Variants in ZRANB3 observed in about 807,000 individuals in gnomAD.
ZRANB3 encodes DNA annealing helicase and endonuclease ZRANB3.
A neutral mutation model predicts 133.8 loss-of-function variants in ZRANB3; 125 were observed. That is an observed-to-expected ratio of 0.93 (90% confidence interval 0.81 to 1.08). ZRANB3 has a LOEUF of 1.08. Among genes scored for constraint, ZRANB3 ranks in the 50% least tolerant of loss-of-function variants. The probability of loss-of-function intolerance (pLI) is 0.00; values close to 1 mark genes in which losing one functional copy is unlikely to be tolerated. For missense variants in ZRANB3, 1,229 were observed against 1,275.5 expected (o/e 0.96, Z 0.56); for synonymous variants, 387 against 432.7 (o/e 0.89, Z 1.31).
intron 6 of ZRANB3, among the ~76,000 whole-genome samples, chr2:135,334,078 A>T (rs190933014): frequency 3.9e-5 from 6 of 152,292 alleles, no homozygotes; most frequent in Non-Finnish European, 7.4e-5. Flanking sequence ...AGAATATTCA[A>T]CTAGGTTAGT....
At chr2:135,481,646 T>G (rs1311821388) in intron 2 of ZRANB3, among the ~76,000 whole-genome samples, 5 of 150,246 alleles carry the variant, frequency 3.3e-5, no homozygotes, top group Admixed American at 1.3e-4. Context: ...AATTTTGGCT[T>G]TTGTTGCCAT....
At chr2:135,493,070 C>T (rs1229555379) in intron 2 of ZRANB3, among the ~76,000 whole-genome samples, 4 of 115,026 alleles carry the variant, frequency 3.5e-5, no homozygotes, top group African/African-American at 6.7e-5. Flanking sequence ...CCTACCTCAC[C>T]CCGTATTTAA....
At chr2:135,419,893 C>A (rs551193465) in intron 2 of ZRANB3, among the ~76,000 whole-genome samples, 5 of 151,468 alleles carry the variant, frequency 3.3e-5, no homozygotes. Flanking sequence ...AGAATCCTCC[C>A]TTAACAGCCT....
intron 3 of ZRANB3, among the ~76,000 whole-genome samples, chr2:135,378,310 T>A (rs1329061305): frequency 3.9e-5 from 6 of 152,086 alleles, no homozygotes; most frequent in African/African-American, 1.4e-4. Flanking sequence ...CTGACCAACA[T>A]GGCGAAAGCC....
intron 15 of ZRANB3, among the ~76,000 whole-genome samples, chr2:135,220,637 A>G (rs1403542204): frequency 1.3e-5 from 2 of 148,572 alleles, no homozygotes; most frequent in Admixed American, 1.3e-4. Context: ...GGCAGAGATT[A>G]CAGTGAGCCT....
At chr2:135,343,025 A>C (rs1251177381) in intron 6 of ZRANB3, among the ~76,000 whole-genome samples, 2 of 146,192 alleles carry the variant, frequency 1.4e-5, no homozygotes, top group Non-Finnish European at 3.0e-5. Context: ...AAAAAAAAAA[A>C]AAAAAAAAAA....
At chr2:135,478,389 C>G (rs571281187) in intron 2 of ZRANB3, among the ~76,000 whole-genome samples, 7 of 152,208 alleles carry the variant, frequency 4.6e-5, no homozygotes, top group Admixed American at 3.9e-4. Context: ...TCAGCACCCC[C>G]CCGAAGCCTC....
chr2:135,341,186 AT>A (rs957877455), intron 6 of ZRANB3, among the ~76,000 whole-genome samples: 6 of 148,920 alleles, frequency 4.0e-5, no homozygotes, highest in South Asian at 2.1e-4. Context: ...CACCTGGCTA[AT>A]TTTTTTTCTT....
intron 12 of ZRANB3, among the ~76,000 whole-genome samples, chr2:135,235,101 G>C (rs1244161070): frequency 1.3e-5 from 2 of 151,788 alleles, no homozygotes; most frequent in African/African-American, 4.8e-5. Flanking sequence ...ATGATAAAGG[G>C]GATATCACCA....
At chr2:135,383,950 G>A (rs535479724) in intron 3 of ZRANB3, among the ~76,000 whole-genome samples, 11 of 152,066 alleles carry the variant, frequency 7.2e-5, no homozygotes, top group East Asian at 3.9e-4. Context: ...AAGCAAAAGC[G>A]AACACATTCA....
At chr2:135,291,026 T>G (rs1681684011) in intron 8 of ZRANB3, among the ~76,000 whole-genome samples, 1 of 151,900 alleles carries the variant, frequency 6.6e-6, no homozygotes, top group South Asian at 2.1e-4. Flanking sequence ...TACCTCAGCC[T>G]CCTTTTTGTA....
At chr2:135,488,169 CA>C (rs371876409) in intron 2 of ZRANB3, among the ~76,000 whole-genome samples, 7 of 152,210 alleles carry the variant, frequency 4.6e-5, no homozygotes, top group Non-Finnish European at 7.4e-5. Flanking sequence ...GCAGTTAGAA[CA>C]CACATAATAT....
At position 135,364,072 on chromosome 2, in the gene ZRANB3, GGGAAGGAGGGCAGGAA is replaced by G. The variant is rs373708103; in HGVS notation, c.181-10460_181-10445del. Among the ~76,000 whole-genome samples the G allele has an allele frequency of 9.5e-3, 1,430 of 149,836 alleles. 23 individuals carry two copies. Among genetic ancestry groups the G allele is most frequent in the African/African-American group, 0.034 (1,363 of 40,664 alleles). On this transcript the variant is annotated intron_variant, in intron 3 of 20. Coordinates refer to ENST00000264159, the MANE Select transcript of ZRANB3 (RefSeq NM_032143.4). ...AAAAATAAAAGAAATGAAGGAAGGA[GGGAAGGAGGGCAGGAA>G]GGAAGGAGGGCAGGAGGGAAGGAGG...
At position 135,207,702 on chromosome 2, in the gene ZRANB3, C is replaced by T. The variant is rs114791090; in HGVS notation, c.2741G>A (p.Arg914His). 5.6e-4 allele frequency: 897 copies of T among 1,613,938 alleles called. 5 individuals carry two copies. The African/African-American group carries it at 0.01, about 18-fold the overall frequency. Residue 914 changes from arginine (R) to histidine (H), a missense_variant, in exon 19 of 21, where the codon CGC becomes CAC. Physicochemically the swap from Arg to His is conservative, Grantham distance 29. Transcript: ENST00000264159. ...VDNEGNPLCLRCQQPTCQTKQ... is the reference protein window; with the variant it reads ...VDNEGNPLCLHCQQPTCQTKQ... ...AGTCTGGCAAGTGGGTTGCTGACAG[C>T]GAAGGCAAAGTGGATTTCCTTCATT...
intron 6 of ZRANB3, among the ~76,000 whole-genome samples, chr2:135,316,501 G>A (rs1683257878): frequency 6.6e-6 from 1 of 152,020 alleles, no homozygotes; most frequent in Non-Finnish European, 1.5e-5. Context: ...ATTCCTGTTA[G>A]GTTGGATTAT....
At chr2:135,388,942 G>A (rs1447585883) in intron 3 of ZRANB3, among the ~76,000 whole-genome samples, 1 of 152,138 alleles carries the variant, frequency 6.6e-6, no homozygotes, top group Non-Finnish European at 1.5e-5. Flanking sequence ...GCCGGGTGTG[G>A]TGGCAGGTGC....
intron 13 of ZRANB3, among the ~76,000 whole-genome samples, chr2:135,230,288 A>C (rs781226706): frequency 1.3e-5 from 2 of 152,232 alleles, no homozygotes; most frequent in Non-Finnish European, 2.9e-5. Flanking sequence ...AATTAATGCC[A>C]TATCACAGAC....
At position 135,362,268 on chromosome 2, in the gene ZRANB3, T is replaced by C. The variant is rs569986474; in HGVS notation, c.181-8640A>G. ...TCTGTCTTCTTTTCTCATAAGGGAC[T>C]AGGAAAAGAGAACAGACCATATGGG... On this transcript the variant is annotated intron_variant, in intron 3 of 20. Coordinates refer to ENST00000264159, the MANE Select transcript of ZRANB3 (RefSeq NM_032143.4). Among the ~76,000 whole-genome samples, 33 of 152,156 alleles carry C rather than the reference T, an allele frequency of 2.2e-4. No individual in the cohort carries two copies. The South Asian group carries it at 5.8e-3, about 27-fold the overall frequency.
At chr2:135,403,502 G>A (rs1368476569) in intron 2 of ZRANB3, among the ~76,000 whole-genome samples, 1 of 152,238 alleles carries the variant, frequency 6.6e-6, no homozygotes, top group African/African-American at 2.4e-5. Flanking sequence ...AGGCCTGCCT[G>A]CCTTTGTAGA....
Sources: gnomAD v4.1 joint callset for allele counts (sites outside exome capture counted in the v4.1 genomes callset) on GRCh38, gnomAD v4.1.1 for gene constraint, MANE v1.5 for transcripts, NCBI Gene and HGNC (gene_info 2026-07-23, HGNC 2026-07-21) for gene names.